Variants in SFMBT2 observed in about 807,000 individuals in gnomAD.
The protein encoded by SFMBT2 is scm-like with four MBT domains protein 2.
Under a neutral mutation model 110.1 loss-of-function variants are expected in SFMBT2, and 38 were observed. That is an observed-to-expected ratio of 0.35 (90% CI 0.27 to 0.45). The LOEUF (loss-of-function observed/expected upper bound fraction) is 0.45. Ranked by LOEUF, SFMBT2 falls within the 20% of genes least tolerant of loss-of-function variation. The pLI is 1.00. For missense variants in SFMBT2, 1,011 were observed against 1,094.9 expected (o/e 0.92, Z 1.08); for synonymous variants, 425 against 425.4 (o/e 1.00, Z 0.01).
chr10:7,292,397 A>G (rs1188938710), intron 4 of SFMBT2: 2 of 169,198 alleles, frequency 1.2e-5, no homozygotes, highest in East Asian at 3.8e-4. Flanking sequence ...TTTTCATATA[A>G]GGTTCAAATT....
At chr10:7,342,396 C>CTT (rs71382101) in intron 4 of SFMBT2, among the ~76,000 whole-genome samples, 1,079 of 69,608 alleles carry the variant, frequency 0.016, 238 homozygotes, top group African/African-American at 0.021. Context: ...TGGAGTGAGT[C>CTT]TTTTTTTTTT....
At chr10:7,247,115 T>C (rs759290327) in intron 8 of SFMBT2, among the ~76,000 whole-genome samples, 104 of 152,222 alleles carry the variant, frequency 6.8e-4, no homozygotes, top group Non-Finnish European at 1.2e-3. Context: ...TTTTTGTTTT[T>C]GTTGTTGTTT....
intron 4 of SFMBT2, among the ~76,000 whole-genome samples, chr10:7,308,969 T>C (rs944520224): frequency 6.6e-6 from 1 of 152,130 alleles, no homozygotes; most frequent in Non-Finnish European, 1.5e-5. Context: ...CTAGAAAACA[T>C]GTGAAAGGAT....
intron 4 of SFMBT2, among the ~76,000 whole-genome samples, chr10:7,341,675 G>A (rs1843908948): frequency 6.6e-6 from 1 of 152,122 alleles, no homozygotes; most frequent in Non-Finnish European, 1.5e-5. Flanking sequence ...CACATGTGCA[G>A]AATTATCTTT....
At chr10:7,405,042 C>T (rs1239383169) in intron 1 of SFMBT2, among the ~76,000 whole-genome samples, 2 of 152,158 alleles carry the variant, frequency 1.3e-5, no homozygotes, top group African/African-American at 2.4e-5. Flanking sequence ...TTTTAGCCAA[C>T]GAGAGTATTT....
At chr10:7,371,892 G>A (rs1184375777) in intron 2 of SFMBT2, among the ~76,000 whole-genome samples, 2 of 147,594 alleles carry the variant, frequency 1.4e-5, no homozygotes, top group Admixed American at 6.8e-5. Context: ...TTCTTCTGGA[G>A]ACTATCACTA....
chr10:7,295,820 C>T (rs1186282846), intron 4 of SFMBT2, among the ~76,000 whole-genome samples: 1 of 152,094 alleles, frequency 6.6e-6, no homozygotes, highest in Non-Finnish European at 1.5e-5. Flanking sequence ...GTATGATTAG[C>T]CCCTTAGGTA....
chr10:7,337,605 G>T (rs909742719), intron 4 of SFMBT2, among the ~76,000 whole-genome samples: 1 of 152,118 alleles, frequency 6.6e-6, no homozygotes, highest in Non-Finnish European at 1.5e-5. Context: ...CACCATGATT[G>T]TAAGTTTCCT....
At chr10:7,411,379 C>T (rs1220528409), upstream of SFMBT2, 1 of 152,204 alleles carries the variant, frequency 6.6e-6, no homozygotes, top group African/African-American at 2.4e-5. Flanking sequence ...CGGGCGTTTC[C>T]GCACACCCCT....
intron 6 of SFMBT2, 59 bp downstream of exon 6, chr10:7,283,845 A>G: frequency 2.6e-6 from 3 of 1,147,052 alleles, no homozygotes; most frequent in Non-Finnish European, 3.9e-6. Context: ...AAACACATCC[A>G]GGAAAATATC....
chr10:7,379,036 T>TATGCCAGTGGGCTGTTGA (rs1170458797), intron 2 of SFMBT2, among the ~76,000 whole-genome samples: 1 of 152,138 alleles, frequency 6.6e-6, no homozygotes, highest in Non-Finnish European at 1.5e-5. Flanking sequence ...TAAAAGCAGC[T>TATGCCAGTGGGCTGTTGA]ATGCCAGTGG....
intron 1 of SFMBT2, among the ~76,000 whole-genome samples, chr10:7,410,349 C>A (rs969232886): frequency 1.3e-4 from 20 of 152,262 alleles, no homozygotes; most frequent in Admixed American, 5.9e-4. Context: ...CCATCTTTTT[C>A]TCCCACCCAA....
intron 4 of SFMBT2, among the ~76,000 whole-genome samples, chr10:7,292,699 G>C (rs1246383144): frequency 6.6e-6 from 1 of 152,138 alleles, no homozygotes; most frequent in Non-Finnish European, 1.5e-5. Context: ...ATTAAGAAAA[G>C]AAATAGTATC....
chr10:7,337,021 T>C (rs897366310), intron 4 of SFMBT2, among the ~76,000 whole-genome samples: 2 of 152,214 alleles, frequency 1.3e-5, no homozygotes, highest in Non-Finnish European at 2.9e-5. Context: ...TTTAACCCAA[T>C]GAAAAGAATA....
intron 6 of SFMBT2, among the ~76,000 whole-genome samples, chr10:7,278,485 C>T (rs1435286505): frequency 2.0e-5 from 3 of 152,122 alleles, no homozygotes; most frequent in African/African-American, 7.2e-5. Flanking sequence ...CCTGAGGACG[C>T]CAACGCAGGA....
chr10:7,377,428 G>A (rs991365895), intron 2 of SFMBT2, among the ~76,000 whole-genome samples: 1 of 152,086 alleles, frequency 6.6e-6, no homozygotes, highest in Non-Finnish European at 1.5e-5. Flanking sequence ...GACAATTCAA[G>A]CACATTACAT....
chr10:7,215,504 G>C lies in SFMBT2; in HGVS notation c.1330+4907C>G, dbSNP rs536360773. Reference sequence around the variant, plus strand: ...TTAATTAATGTTGCAATCATCTCCTGAGGCAGGGGTTGTTTTATCCAACAC... The same window carrying C: ...TTAATTAATGTTGCAATCATCTCCTCAGGCAGGGGTTGTTTTATCCAACAC... On this transcript the variant is annotated intron_variant, in intron 11 of 20. Coordinates refer to ENST00000397167, the MANE Select transcript of SFMBT2 (RefSeq NM_001387889.1). 3.3e-4 allele frequency: 320 copies of C among 969,684 alleles called. No individual in the cohort carries two copies. The African/African-American group carries it at 5.4e-3, about 16-fold the overall frequency. The allele number at this position is 969,684 out of a possible 1,614,324, so 60.1% of individuals were successfully genotyped here. A position where few individuals can be genotyped will look rare whatever the true frequency, so the allele number is the denominator to read the frequency against.
intron 2 of SFMBT2, among the ~76,000 whole-genome samples, chr10:7,372,990 CT>C (rs1845102308): frequency 6.6e-6 from 1 of 152,234 alleles, no homozygotes; most frequent in Non-Finnish European, 1.5e-5. Context: ...AGTGTCACTT[CT>C]GTGCTACAAG....
intron 4 of SFMBT2, among the ~76,000 whole-genome samples, chr10:7,314,949 G>C (rs1842944985): frequency 6.8e-6 from 1 of 147,024 alleles, no homozygotes; most frequent in African/African-American, 2.5e-5. Context: ...GAAAGAGAAA[G>C]AGAGAAAGAA....
Sources: gnomAD v4.1 joint callset for allele counts (sites outside exome capture counted in the v4.1 genomes callset) on GRCh38, gnomAD v4.1.1 for gene constraint, MANE v1.5 for transcripts, NCBI Gene and HGNC (gene_info 2026-07-23, HGNC 2026-07-21) for gene names.